Variants in ADAMDEC1 observed in about 807,000 individuals in gnomAD.
The protein encoded by ADAMDEC1 is ADAM DEC1.
In ADAMDEC1, 62 loss-of-function variants were observed where a neutral mutation model predicts 60.4. The ratio of observed to expected loss-of-function variants is 1.03; its 90% CI spans 0.84 to 1.27. The LOEUF is 1.27. Ranked by LOEUF, ADAMDEC1 falls within the 50% of genes most tolerant of loss-of-function variation. ADAMDEC1 has a pLI of 0.00. For synonymous variants in ADAMDEC1, 210 were observed against 195.1 expected, an observed-to-expected ratio of 1.08 and a Z score of -0.64; for missense variants, 595 against 565.0, an observed-to-expected ratio of 1.05 and a Z score of -0.54.
chr8:24,395,794 G>A lies in ADAMDEC1; in HGVS notation c.438G>A (p.Leu146=), dbSNP rs776844343. The A allele has an allele frequency of 5.0e-6, 8 of 1,611,796 alleles. No individual in the cohort carries two copies. The highest frequency in any genetic ancestry group is 6.8e-6 in the Non-Finnish European group (8 of 1,178,422). The change falls in exon 5 of 14, where the codon TTG becomes TTA. Residue 146 remains leucine (L), a splice_region_variant and synonymous_variant. Transcript: ENST00000256412. ...CCAGCATCAGTACTTGTGACGGGTT[G>A]AGGTAAGAACTACCATCAAAATTAC... ...SVASISTCDG[L]RGYFTHHHQR...
intron 1 of ADAMDEC1, chr8:24,387,392 C>T (rs993867385): frequency 6.6e-6 from 1 of 152,154 alleles, no homozygotes; most frequent in Non-Finnish European, 1.5e-5. Flanking sequence ...TTCCTCCCTT[C>T]CCTTTTTAGG....
In ADAMDEC1 at chr8:24,402,524, A is replaced by AATCTGTAG. The variant is rs1240082103; in HGVS notation, c.1320+433_1320+434insTCTGTAGA. ...AACAGAGAAGAAAGAGGAAAAGAAA[A>AATCTGTAG]AATAATCACAAAAATCTGTAGAAAA... On this transcript the variant is annotated intron_variant, in intron 12 of 13. Coordinates refer to ENST00000256412, the MANE Select transcript of ADAMDEC1 (RefSeq NM_014479.3). Among the ~76,000 whole-genome samples, 5 of 152,236 alleles carry AATCTGTAG rather than the reference A, an allele frequency of 3.3e-5. No individual in the cohort carries two copies. In the East Asian group the frequency reaches 9.6e-4, roughly 29 times the overall value.
chr8:24,396,775 G>A (rs1315740820), intron 5 of ADAMDEC1, among the ~76,000 whole-genome samples: 3 of 152,114 alleles, frequency 2.0e-5, no homozygotes, highest in Non-Finnish European at 4.4e-5. Context: ...TTTATTATAT[G>A]GATTCACCTT....
At chr8:24,390,831 T>C (rs1445511460) in intron 1 of ADAMDEC1, among the ~76,000 whole-genome samples, 7 of 152,300 alleles carry the variant, frequency 4.6e-5, no homozygotes, top group Non-Finnish European at 1.0e-4. Context: ...TGCGAAGGTT[T>C]TTGGCTAAAT....
In ADAMDEC1 at chr8:24,405,520, CT is replaced by C. The variant is rs35303845; in HGVS notation, c.*231del. The stretch of plus-strand genomic sequence containing the variant: ...CTTTTTACTTTTTTTTTTCTTTTTT[CT>C]TTTTTTTTAAAGATCATGAATTTGT... On this transcript the variant is annotated 3_prime_UTR_variant, in exon 14 of 14. Coordinates refer to ENST00000256412, the MANE Select transcript of ADAMDEC1 (RefSeq NM_014479.3). 243 of 468,216 alleles carry C rather than the reference CT, an allele frequency of 5.2e-4. No individual in the cohort carries two copies. The highest frequency in any genetic ancestry group is 1.1e-3 in the Middle Eastern group (3 of 2,736). 29.0% of individuals were successfully genotyped at this position (468,216 alleles called of 1,614,324 possible).
intron 5 of ADAMDEC1, among the ~76,000 whole-genome samples, chr8:24,396,369 G>A (rs1319300658): frequency 2.0e-5 from 3 of 152,054 alleles, no homozygotes; most frequent in Non-Finnish European, 2.9e-5. Flanking sequence ...AAAAATAGCC[G>A]AGTGTGGTGG....
chr8:24,392,290 A>C lies in ADAMDEC1; in HGVS notation c.117A>C (p.Leu39Phe), dbSNP rs765867218. 1 of 1,611,538 alleles carries C rather than the reference A, an allele frequency of 6.2e-7. No individual in the cohort carries two copies. The highest frequency in any genetic ancestry group is 1.1e-5 in the South Asian group (1 of 90,448). Residue 39 changes from leucine (L) to phenylalanine (F), a missense_variant, in exon 2 of 14, where the codon TTA becomes TTC. Coordinates refer to ENST00000256412, the MANE Select transcript of ADAMDEC1 (RefSeq NM_014479.3). ...TAGCCATAAAGCAAACACCTGAATTAACGCTCCATGAAATAGTTTGTCCTA... is the reference window on the plus strand; with the variant it reads ...TAGCCATAAAGCAAACACCTGAATTCACGCTCCATGAAATAGTTTGTCCTA... ...QAIAIKQTPE[L>F]TLHEIVCPKK...
At chr8:24,396,370 A>G (rs910261749) in intron 5 of ADAMDEC1, among the ~76,000 whole-genome samples, 26 of 152,064 alleles carry the variant, frequency 1.7e-4, no homozygotes, top group African/African-American at 3.6e-4. Context: ...AAAATAGCCG[A>G]GTGTGGTGGC....
At chr8:24,399,315 T>C (rs1817699890) in intron 9 of ADAMDEC1, 78 bp from the exon 10 acceptor site, 3 of 1,431,256 alleles carry the variant, frequency 2.1e-6, no homozygotes, top group Non-Finnish European at 3.0e-6. Flanking sequence ...AGCGAGGCAA[T>C]TCGTTAATGT....
rs1817784534 is a variant in ADAMDEC1 at position 24,402,255 on chromosome 8, C to A, written c.1320+163C>A. On this transcript the variant is annotated intron_variant, in intron 12 of 13. Coordinates refer to ENST00000256412, the MANE Select transcript of ADAMDEC1 (RefSeq NM_014479.3). ...CTGAATTTAGTAATCCTTTGAAAGG[C>A]ATTTCAAAAACTAGGACTTGATTTT... is the stretch of plus-strand genomic sequence containing the variant. Among the ~76,000 whole-genome samples, 4 of 152,238 alleles carry A rather than the reference C, an allele frequency of 2.6e-5. No individual in the cohort carries two copies. The South Asian group carries it at 8.3e-4, about 32-fold the overall frequency.
chr8:24,390,138 G>C (rs1194933783), intron 1 of ADAMDEC1: 3 of 694,778 alleles, frequency 4.3e-6, no homozygotes, highest in South Asian at 2.9e-5. Context: ...GCCTCAAACT[G>C]TGCGTGGCCT....
At chr8:24,401,859 C>A in intron 11 of ADAMDEC1, 56 bp from the exon 12 acceptor site, 3 of 1,309,618 alleles carry the variant, frequency 2.3e-6, no homozygotes, top group Non-Finnish European at 3.2e-6. Context: ...TTCTGTGTTT[C>A]ACGCAGAAGG....
chr8:24,399,609 T>A, intron 10 of ADAMDEC1, 135 bp downstream of exon 10: 1 of 786,324 alleles, frequency 1.3e-6, no homozygotes, highest in Non-Finnish European at 2.2e-6. Context: ...TACTGGTAGG[T>A]CATTGCACTG....
chr8:24,389,705 T>G (rs750610095), intron 1 of ADAMDEC1, among the ~76,000 whole-genome samples: 37 of 152,204 alleles, frequency 2.4e-4, no homozygotes, highest in Non-Finnish European at 4.4e-4. Flanking sequence ...TATTATTCAC[T>G]CTTCTCATTC....
chr8:24,397,890 C>T (rs1400635533), intron 7 of ADAMDEC1, 145 bp downstream of exon 7: 3 of 671,870 alleles, frequency 4.5e-6, no homozygotes, highest in African/African-American at 3.6e-5. Flanking sequence ...GCCTTGCCAG[C>T]AATAGTTATC....
chr8:24,397,616 C>A (rs1242528967), intron 6 of ADAMDEC1, 67 bp from the exon 7 acceptor site: 13 of 1,529,022 alleles, frequency 8.5e-6, no homozygotes, highest in South Asian at 1.2e-5. Flanking sequence ...AACAAGTCTC[C>A]TTTTAAGCTT....
At chr8:24,396,516 CA>C (rs930315393) in intron 5 of ADAMDEC1, among the ~76,000 whole-genome samples, 1 of 149,164 alleles carries the variant, frequency 6.7e-6, no homozygotes, top group African/African-American at 2.5e-5. Flanking sequence ...CGTCTCAAAA[CA>C]AAAAAAAAGA....
intron 13 of ADAMDEC1, 116 bp downstream of exon 13, chr8:24,404,204 C>A: frequency 2.9e-5 from 24 of 839,884 alleles, no homozygotes; most frequent in Non-Finnish European, 3.5e-5. Context: ...TTATATTTTT[C>A]AAACGACTCA....
intron 6 of ADAMDEC1, 64 bp downstream of exon 6, chr8:24,397,520 T>C: frequency 6.4e-7 from 1 of 1,564,624 alleles, no homozygotes; most frequent in Non-Finnish European, 8.7e-7. Flanking sequence ...GGCAATATAC[T>C]ACTATTCTTA....
Sources: allele counts gnomAD v4.1 joint callset (sites outside exome capture counted in the v4.1 genomes callset), GRCh38; gene constraint gnomAD v4.1.1; transcripts MANE v1.5; gene names NCBI Gene and HGNC (gene_info 2026-07-23, HGNC 2026-07-21).